Variants in SEMA5B observed in about 807,000 individuals in gnomAD.
The protein encoded by SEMA5B is semaphorin-5B.
A neutral mutation model predicts 135.0 loss-of-function variants in SEMA5B; 66 were observed. The ratio of observed to expected loss-of-function variants is 0.49; its 90% confidence interval spans 0.40 to 0.60. The LOEUF (loss-of-function observed/expected upper bound fraction) is 0.60. SEMA5B is among the 20% of genes least tolerant of loss of function. SEMA5B has a pLI of 0.00. For missense variants in SEMA5B, 1,501 were observed against 1,566.3 expected, an observed-to-expected ratio of 0.96 and a Z score of 0.70; for synonymous variants, 690 against 639.5, an observed-to-expected ratio of 1.08 and a Z score of -1.19.
intron 1 of SEMA5B, among the ~76,000 whole-genome samples, chr3:122,975,785 A>C (rs1941297414): frequency 6.6e-6 from 1 of 152,048 alleles, no homozygotes; most frequent in Non-Finnish European, 1.5e-5. Flanking sequence ...GCCAGAACAC[A>C]GTCTACAGCA....
chr3:122,988,394 G>A (rs145861432), intron 1 of SEMA5B, among the ~76,000 whole-genome samples: 6 of 152,264 alleles, frequency 3.9e-5, no homozygotes, highest in African/African-American at 7.2e-5. Flanking sequence ...ATCAAACACC[G>A]TCTGTATCCT....
At chr3:123,011,667 A>G (rs1942440514) in intron 1 of SEMA5B, among the ~76,000 whole-genome samples, 1 of 152,196 alleles carries the variant, frequency 6.6e-6, no homozygotes, top group Admixed American at 6.5e-5. Context: ...AAGTGAGCCC[A>G]GGACACACGC....
At chr3:122,982,697 A>AC in intron 1 of SEMA5B, among the ~76,000 whole-genome samples, 1 of 142,960 alleles carries the variant, frequency 7.0e-6, no homozygotes. Flanking sequence ...ACCACCCCCC[A>AC]CCCCCCAGGT....
At chr3:122,961,336 C>A (rs1360878690) in intron 1 of SEMA5B, 35 bp from the exon 2 acceptor site, 2 of 1,586,022 alleles carry the variant, frequency 1.3e-6, no homozygotes, top group Non-Finnish European at 1.7e-6. Flanking sequence ...GTCATGGATA[C>A]ATGATGAACC....
chr3:122,915,978 G>A lies in SEMA5B; in HGVS notation c.1689-88C>T, dbSNP rs1311332698. 6 of 925,818 alleles carry A rather than the reference G, an allele frequency of 6.5e-6. No homozygotes were observed. The African/African-American group carries it at 9.7e-5, about 15-fold the overall frequency. 57.4% of individuals were successfully genotyped at this position (925,818 alleles called of 1,614,324 possible). On this transcript the variant is annotated intron_variant, in intron 12 of 22. Coordinates refer to ENST00000357599, the MANE Select transcript of SEMA5B (RefSeq NM_001031702.4). ...AACACACGTGAACACTCCCCTCTGT[G>A]CACCACTTTCCATCCATTTGTCCTC...
chr3:122,918,993 CTTTTTTTTTT>C lies in SEMA5B; in HGVS notation c.1688+2912_1688+2921del, dbSNP rs63373262. 7.5e-5 allele frequency among the ~76,000 whole-genome samples: 6 copies of C among 80,362 alleles called. No homozygotes were observed. In the East Asian group the frequency reaches 2.0e-3, roughly 26 times the overall value. The allele number at this position is 80,362 out of a possible 152,430, so 52.7% of individuals were successfully genotyped here. ...TCAGACCAATAATATATCACCATGTCTTTTTTTTTTTTTTTTTTTTTTTTTACTGCAATGT... is the reference window on the plus strand; with the variant it reads ...TCAGACCAATAATATATCACCATGTCTTTTTTTTTTTTTTTACTGCAATGT... On this transcript the variant is annotated intron_variant, in intron 12 of 22. Transcript: ENST00000357599.
At chr3:122,974,910 T>TGCAGGC (rs1377060514) in intron 1 of SEMA5B, among the ~76,000 whole-genome samples, 2 of 152,184 alleles carry the variant, frequency 1.3e-5, no homozygotes, top group East Asian at 3.8e-4. Context: ...TGACTCACCC[T>TGCAGGC]GCAGGCCCAG....
rs78274901 is a variant in SEMA5B at position 123,020,706 on chromosome 3, C to T, written c.-39+6758G>A. On this transcript the variant is annotated intron_variant, in intron 1 of 22. Transcript: ENST00000357599. ...GCTCAAAAAAATACCAGTGCCCAGGCTCCCCCCGCAGAAATCCTATCTTAA... is the reference window on the plus strand; with the variant it reads ...GCTCAAAAAAATACCAGTGCCCAGGTTCCCCCCGCAGAAATCCTATCTTAA... 7.3e-4 allele frequency among the ~76,000 whole-genome samples: 111 copies of T among 152,320 alleles called. 2 individuals are homozygous for T. The East Asian group carries it at 0.02, about 28-fold the overall frequency.
chr3:122,943,983 G>A (rs1048157253), intron 3 of SEMA5B, among the ~76,000 whole-genome samples: 1 of 152,092 alleles, frequency 6.6e-6, no homozygotes, highest in Non-Finnish European at 1.5e-5. Flanking sequence ...TTCCAGGCCT[G>A]CCCCTCGAGT....
intron 3 of SEMA5B, among the ~76,000 whole-genome samples, chr3:122,945,911 G>C (rs1178523309): frequency 6.6e-6 from 1 of 152,114 alleles, no homozygotes; most frequent in Non-Finnish European, 1.5e-5. Context: ...CATGGGCAAG[G>C]GGGATGGGGG....
At chr3:122,999,652 T>G (rs1486472932) in intron 1 of SEMA5B, among the ~76,000 whole-genome samples, 1 of 152,112 alleles carries the variant, frequency 6.6e-6, no homozygotes, top group Non-Finnish European at 1.5e-5. Flanking sequence ...GGACCCTCCC[T>G]TTCTCCTTCC....
chr3:122,942,834 C>A (rs924738137), intron 4 of SEMA5B, among the ~76,000 whole-genome samples: 1 of 152,202 alleles, frequency 6.6e-6, no homozygotes, highest in Non-Finnish European at 1.5e-5. Context: ...CTACTGGGGT[C>A]GGCCCTCTCT....
At chr3:122,914,099 G>A (rs539259652) in intron 14 of SEMA5B, 98 bp from the exon 15 acceptor site, 1 of 1,318,808 alleles carries the variant, frequency 7.6e-7, no homozygotes, top group East Asian at 2.5e-5. Context: ...ACTGCTGTCA[G>A]AAAGGGCTGG....
At chr3:122,989,202 A>G (rs1266466302) in intron 1 of SEMA5B, among the ~76,000 whole-genome samples, 3 of 152,150 alleles carry the variant, frequency 2.0e-5, no homozygotes, top group Non-Finnish European at 4.4e-5. Context: ...AGAAGCTCCT[A>G]TTGTCCACAG....
intron 1 of SEMA5B, among the ~76,000 whole-genome samples, chr3:122,978,330 C>T (rs944849584): frequency 6.6e-6 from 1 of 152,242 alleles, no homozygotes; most frequent in African/African-American, 2.4e-5. Flanking sequence ...AAGAACCACT[C>T]ACTGAGCTGG....
chr3:122,932,131 G>A (rs775794316), intron 5 of SEMA5B, among the ~76,000 whole-genome samples: 8 of 151,172 alleles, frequency 5.3e-5, no homozygotes, highest in Non-Finnish European at 1.2e-4. Flanking sequence ...CAATGTTTTG[G>A]TTTTCTTGGA....
In SEMA5B at chr3:122,910,122, C is replaced by T; in HGVS notation, c.*21G>A. The T allele has an allele frequency of 2.5e-6, 4 of 1,610,930 alleles. No homozygotes were observed. Among genetic ancestry groups the T allele is most frequent in the Non-Finnish European group, 3.4e-6 (4 of 1,178,560 alleles). On this transcript the variant is annotated 3_prime_UTR_variant, in exon 23 of 23. Transcript: ENST00000357599. Reference sequence around the variant, plus strand: ...CTGTGCCTTATGAAGGCAAGAAGCCCAAGTCCCCAGGACGGCGGTATCAGC... The same window carrying T: ...CTGTGCCTTATGAAGGCAAGAAGCCTAAGTCCCCAGGACGGCGGTATCAGC...
chr3:123,025,138 G>C (rs75978300), intron 1 of SEMA5B, among the ~76,000 whole-genome samples: 2 of 152,140 alleles, frequency 1.3e-5, no homozygotes, highest in African/African-American at 4.8e-5. Flanking sequence ...TGGACCTCTC[G>C]GCTTCTCTGG....
At chr3:122,941,509 G>T (rs1178367817) in intron 4 of SEMA5B, among the ~76,000 whole-genome samples, 2 of 152,244 alleles carry the variant, frequency 1.3e-5, no homozygotes, top group African/African-American at 2.4e-5. Context: ...TCACCCACTT[G>T]TGAAGATTCA....
Sources: allele counts gnomAD v4.1 joint callset (sites outside exome capture counted in the v4.1 genomes callset), GRCh38; gene constraint gnomAD v4.1.1; transcripts MANE v1.5; gene names NCBI Gene and HGNC (gene_info 2026-07-23, HGNC 2026-07-21).